SRSF11: variants seen among roughly 807,000 people sequenced by gnomAD.
SRSF11 encodes the protein serine and arginine rich splicing factor 11, also known as serine/arginine-rich splicing factor 11.
In SRSF11, 9 loss-of-function variants were observed where a neutral mutation model predicts 56.0. The ratio of observed to expected loss-of-function variants is 0.16; its 90% CI spans 0.10 to 0.28. The LOEUF is 0.28. Among genes scored for constraint, SRSF11 ranks in the 10% least tolerant of loss-of-function variants. The pLI is 1.00. For missense variants in SRSF11, 421 were observed against 600.7 expected (o/e 0.70, Z 3.13); for synonymous variants, 222 against 215.3 (o/e 1.03, Z -0.27).
rs188958511 is a variant in SRSF11, at chr1:70,233,193, A to C, written c.447+816A>C. 2.3e-4 allele frequency among the ~76,000 whole-genome samples: 35 copies of C among 151,614 alleles called. No homozygotes were observed. In the East Asian group the frequency reaches 5.9e-3, roughly 25 times the overall value. On this transcript the variant is annotated intron_variant, in intron 3 of 11. Coordinates refer to ENST00000370949, the MANE Select transcript of SRSF11 (RefSeq NM_001350605.2). ...AATGAGGATCTGAGTAATTTTCTTT[A>C]TTCTTTGTTCTGTTTTGTTTTGTTT...
intron 9 of SRSF11, chr1:70,247,147 G>A: frequency 2.9e-6 from 3 of 1,028,674 alleles, no homozygotes; most frequent in Non-Finnish European, 2.4e-6. Flanking sequence ...GAATTCAAGA[G>A]AGGTGAGTTT....
chr1:70,237,321 G>A, intron 5 of SRSF11, 104 bp from the exon 6 acceptor site: 2 of 1,428,970 alleles, frequency 1.4e-6, no homozygotes, highest in Non-Finnish European at 1.9e-6. Context: ...CCCTTTTTTT[G>A]AAGGAATATT....
At chr1:70,247,940 A>G (rs1419545238) in intron 9 of SRSF11, among the ~76,000 whole-genome samples, 2 of 152,150 alleles carry the variant, frequency 1.3e-5, no homozygotes, top group African/African-American at 4.8e-5. Context: ...CACCAAGGAA[A>G]TACAAACCAG....
chr1:70,251,008 G>A lies in SRSF11; in HGVS notation c.*203G>A. ...GTACGAGGTAACCAATTCTTGTCATGGTGAAATCTGATTGAGTAACCAAGC... is the reference window on the plus strand; with the variant it reads ...GTACGAGGTAACCAATTCTTGTCATAGTGAAATCTGATTGAGTAACCAAGC... On this transcript the variant is annotated 3_prime_UTR_variant, in exon 12 of 12. Coordinates refer to ENST00000370949, the MANE Select transcript of SRSF11 (RefSeq NM_001350605.2). 1 of 509,616 alleles carries A rather than the reference G, an allele frequency of 2.0e-6. No individual in the cohort carries two copies. Among genetic ancestry groups the A allele is most frequent in the Non-Finnish European group, 3.5e-6 (1 of 287,448 alleles). The allele number at this position is 509,616 out of a possible 1,614,324, so 31.6% of individuals were successfully genotyped here.
At position 70,244,738 on chromosome 1, in the gene SRSF11, A is replaced by G. The variant is rs370689100; in HGVS notation, c.855A>G (p.Arg285=). 151 of 1,614,206 alleles carry G rather than the reference A, an allele frequency of 9.4e-5. No individual in the cohort carries two copies. The highest frequency in any genetic ancestry group is 1.2e-4 in the Non-Finnish European group (142 of 1,180,018). ...CACATTCTAAGTCTAGGAGTCGGCG[A>G]CGATCCAAAAGCCCAAGGCGGAGAA... is the stretch of plus-strand genomic sequence containing the variant. The part of the protein sequence containing the change: ...RRSHSKSRSR[R]RSKSPRRRRS... Residue 285 remains arginine (R), a synonymous_variant, in exon 8 of 12, where the codon CGA becomes CGG. Coordinates refer to ENST00000370949, the MANE Select transcript of SRSF11 (RefSeq NM_001350605.2).
chr1:70,228,398 T>C (rs963841338), intron 1 of SRSF11, 24 bp from the exon 2 acceptor site: 2 of 1,570,696 alleles, frequency 1.3e-6, no homozygotes, highest in African/African-American at 1.4e-5. Flanking sequence ...TGTTTCTCTT[T>C]TATGTTATTT....
intron 1 of SRSF11, among the ~76,000 whole-genome samples, chr1:70,227,409 A>T (rs1412718779): frequency 6.6e-6 from 1 of 152,126 alleles, no homozygotes; most frequent in East Asian, 1.9e-4. Context: ...TGTCAGAGAG[A>T]ATTAAAGGAG....
At chr1:70,238,650 A>T (rs771314127) in intron 6 of SRSF11, among the ~76,000 whole-genome samples, 1 of 152,220 alleles carries the variant, frequency 6.6e-6, no homozygotes, top group African/African-American at 2.4e-5. Context: ...CTAAAATCTG[A>T]TTCTGTCACA....
At chr1:70,238,861 A>G (rs959829563) in intron 6 of SRSF11, among the ~76,000 whole-genome samples, 1 of 152,238 alleles carries the variant, frequency 6.6e-6, no homozygotes, top group African/African-American at 2.4e-5. Flanking sequence ...AAGTCTGGCA[A>G]GTAAAATAGG....
chr1:70,208,502 T>A (rs1203509958), intron 1 of SRSF11, among the ~76,000 whole-genome samples: 1 of 152,066 alleles, frequency 6.6e-6, no homozygotes, highest in African/African-American at 2.4e-5. Context: ...CCCAGCTAAT[T>A]TTTTTGTATT....
chr1:70,243,627 C>A (rs1676057165), intron 7 of SRSF11, among the ~76,000 whole-genome samples: 1 of 152,036 alleles, frequency 6.6e-6, no homozygotes, highest in South Asian at 2.1e-4. Flanking sequence ...TTTCTTGTAC[C>A]TTGAAAAGAA....
intron 1 of SRSF11, among the ~76,000 whole-genome samples, chr1:70,207,100 C>T (rs1315824860): frequency 6.6e-6 from 1 of 151,974 alleles, no homozygotes; most frequent in Non-Finnish European, 1.5e-5. Flanking sequence ...CCATGTTGGT[C>T]AGGCTGGTCT....
chr1:70,229,573 C>T (rs1340916174), intron 2 of SRSF11: 1 of 984,682 alleles, frequency 1.0e-6, no homozygotes, highest in East Asian at 1.1e-4. Flanking sequence ...TATGATAAAA[C>T]TGCTGGATTT....
At chr1:70,239,996 C>G (rs1235321349) in intron 7 of SRSF11, among the ~76,000 whole-genome samples, 1 of 152,020 alleles carries the variant, frequency 6.6e-6, no homozygotes, top group African/African-American at 2.4e-5. Context: ...ATATAATAGA[C>G]TTCATTTATT....
At chr1:70,233,537 G>A (rs1052908666) in intron 3 of SRSF11, among the ~76,000 whole-genome samples, 1 of 152,248 alleles carries the variant, frequency 6.6e-6, no homozygotes, top group Admixed American at 6.5e-5. Context: ...ACCGCGCCCA[G>A]TCCAGATCTG....
chr1:70,229,076 T>C (rs957895436), intron 2 of SRSF11: 36 of 1,110,408 alleles, frequency 3.2e-5, no homozygotes, highest in Non-Finnish European at 3.9e-5. Context: ...CAAGATTTCC[T>C]GTAGCTTAGG....
At chr1:70,208,029 C>T (rs578048916) in intron 1 of SRSF11, among the ~76,000 whole-genome samples, 2 of 152,130 alleles carry the variant, frequency 1.3e-5, no homozygotes, top group South Asian at 4.2e-4. Context: ...CTGGGGCCTT[C>T]CAAAGCACTG....
At chr1:70,206,874 A>T (rs568827649) in intron 1 of SRSF11, among the ~76,000 whole-genome samples, 9 of 151,548 alleles carry the variant, frequency 5.9e-5, no homozygotes, top group African/African-American at 2.2e-4. Flanking sequence ...AAAAAAGCAA[A>T]GAGTGGATTT....
intron 3 of SRSF11, among the ~76,000 whole-genome samples, chr1:70,234,046 T>C (rs1468541416): frequency 6.6e-6 from 1 of 152,158 alleles, no homozygotes; most frequent in Non-Finnish European, 1.5e-5. Flanking sequence ...GAAGGGTGAC[T>C]AGTAAATAAG....
Sources: gnomAD v4.1 joint callset for allele counts (sites outside exome capture counted in the v4.1 genomes callset) on GRCh38, gnomAD v4.1.1 for gene constraint, MANE v1.5 for transcripts, NCBI Gene and HGNC (gene_info 2026-07-23, HGNC 2026-07-21) for gene names.